Variants in PSMC6 observed in about 807,000 individuals in gnomAD.
PSMC6 encodes 26S proteasome regulatory subunit 10B.
A neutral mutation model predicts 55.9 loss-of-function variants in PSMC6; 3 were observed. The ratio of observed to expected loss-of-function variants is 0.05; its 90% CI spans 0.02 to 0.14. The LOEUF (loss-of-function observed/expected upper bound fraction) is 0.14, where lower values mean the gene tolerates loss of function less well. Among genes scored for constraint, PSMC6 ranks in the 10% least tolerant of loss-of-function variants. The probability of loss-of-function intolerance (pLI) is 1.00; values close to 1 mark genes in which losing one functional copy is unlikely to be tolerated. For missense variants in PSMC6, 210 were observed against 478.7 expected, an observed-to-expected ratio of 0.44 and a Z score of 5.24; for synonymous variants, 137 against 155.9, an observed-to-expected ratio of 0.88 and a Z score of 0.90.
At chr14:52,714,970 A>C (rs903350937) in intron 7 of PSMC6, among the ~76,000 whole-genome samples, 1 of 151,994 alleles carries the variant, frequency 6.6e-6, no homozygotes, top group Non-Finnish European at 1.5e-5. Flanking sequence ...AAAAACTAAA[A>C]TGTTGTTTGG....
At chr14:52,712,801 G>C (rs184998765) in intron 6 of PSMC6, among the ~76,000 whole-genome samples, 1 of 152,122 alleles carries the variant, frequency 6.6e-6, no homozygotes, top group Admixed American at 6.5e-5. Context: ...ATTTTTTGTA[G>C]AGATGGGGTT....
Position 52,708,337 on chromosome 14 carries a change from G to A in PSMC6, c.114G>A (p.Lys38=). The A allele has an allele frequency of 1.9e-6, 3 of 1,612,634 alleles. No individual in the cohort carries two copies. Among genetic ancestry groups the A allele is most frequent in the Non-Finnish European group, 2.5e-6 (3 of 1,178,694 alleles). ...ELREQLKELT[K]QYEKSENDLK... is the part of the protein sequence containing the mutation. ...GGGAACAATTAAAAGAACTTACCAAGCAGTATGAAAAGTCTGAAAATGATC... is the reference window on the plus strand; with the variant it reads ...GGGAACAATTAAAAGAACTTACCAAACAGTATGAAAAGTCTGAAAATGATC... The change falls in exon 2 of 14, where the codon AAG becomes AAA. Residue 38 remains lysine (K), a synonymous_variant. Coordinates refer to ENST00000445930, the MANE Select transcript of PSMC6 (RefSeq NM_002806.5).
In PSMC6 at chr14:52,721,096, T is replaced by C. The variant is rs200595550; in HGVS notation, c.899-14T>C. 11 of 1,582,596 alleles carry C rather than the reference T, an allele frequency of 7.0e-6. No individual in the cohort carries two copies. The African/African-American group carries it at 1.4e-4, about 20-fold the overall frequency. ...AAGATAAAACTGGACTATAAAATAA[T>C]TTTTTATTTTCAGATATTGATTTGC... On this transcript the variant is annotated splice_polypyrimidine_tract_variant and intron_variant, in intron 11 of 13. Transcript: ENST00000445930.
chr14:52,711,528 G>A lies in PSMC6; in HGVS notation c.441+4G>A. 1 of 1,572,992 alleles carries A rather than the reference G, an allele frequency of 6.4e-7. No homozygotes were observed. The highest frequency in any genetic ancestry group is 8.7e-7 in the Non-Finnish European group (1 of 1,145,494). On this transcript the variant is annotated splice_donor_region_variant and intron_variant, in intron 6 of 13. Transcript: ENST00000445930. ...ACAGATCCGGGAATTAAGAGAGGTT[G>A]GTACTGTGTGCCTTGTTCTCTGAAC...
chr14:52,718,833 C>A, intron 9 of PSMC6, 144 bp from the exon 10 acceptor site: 1 of 654,166 alleles, frequency 1.5e-6, no homozygotes, highest in Non-Finnish European at 2.6e-6. Context: ...ACACCAAAAT[C>A]AAGTCTAACT....
chr14:52,723,013 A>C (rs10144318), intron 12 of PSMC6: 70,894 of 151,996 alleles, frequency 0.47, 16,765 homozygotes, highest in Middle Eastern at 0.56. Context: ...TGATTGTTGA[A>C]TTTCACTATC....
intron 7 of PSMC6, among the ~76,000 whole-genome samples, chr14:52,714,708 A>G (rs946629206): frequency 1.7e-4 from 26 of 151,894 alleles, no homozygotes; most frequent in African/African-American, 6.3e-4. Context: ...TCTACTAAAA[A>G]TACAAAAATG....
chr14:52,707,631 G>T, intron 1 of PSMC6: 1 of 266,054 alleles, frequency 3.8e-6, no homozygotes, highest in Non-Finnish European at 7.4e-6. Context: ...CCCGGGACTT[G>T]GAGAGGGGAA....
At chr14:52,713,814 T>C in intron 6 of PSMC6, 67 bp from the exon 7 acceptor site, 1 of 1,017,308 alleles carries the variant, frequency 9.8e-7, no homozygotes, top group Non-Finnish European at 1.5e-6. Context: ...ATATTTGACT[T>C]AGAGTATTTG....
chr14:52,723,198 A>G (rs1880268689), intron 12 of PSMC6: 1 of 152,248 alleles, frequency 6.6e-6, no homozygotes, highest in Admixed American at 6.5e-5. Flanking sequence ...ATTAAAGACA[A>G]TTCATGAATA....
intron 7 of PSMC6, among the ~76,000 whole-genome samples, chr14:52,715,803 G>A (rs2041824316): frequency 1.3e-5 from 2 of 151,852 alleles, no homozygotes. Context: ...TTTTAGTAGA[G>A]GCAGGGTTTT....
chr14:52,720,749 G>C, intron 10 of PSMC6, 112 bp from the exon 11 acceptor site: 1 of 823,466 alleles, frequency 1.2e-6, no homozygotes, highest in Non-Finnish European at 1.8e-6. Context: ...TCTGAAGATA[G>C]AACATATCTA....
intron 7 of PSMC6, among the ~76,000 whole-genome samples, chr14:52,715,713 C>A (rs1227374889): frequency 1.3e-5 from 2 of 150,080 alleles, no homozygotes; most frequent in African/African-American, 2.5e-5. Flanking sequence ...GCCTCTTGGG[C>A]TCAGGTGATT....
In PSMC6 at chr14:52,728,121, A is replaced by C. The variant is rs1419519501; in HGVS notation, c.*504A>C. The stretch of plus-strand genomic sequence containing the variant: ...TATTTTAAAATAGTACACATACTTA[A>C]TGTTCATAAGATCATCTTCTTAAAT... On this transcript the variant is annotated 3_prime_UTR_variant, in exon 14 of 14. Transcript: ENST00000445930. 1.3e-5 allele frequency: 2 copies of C among 153,344 alleles called. No homozygotes were observed. Among genetic ancestry groups the C allele is most frequent in the African/African-American group, 4.8e-5 (2 of 41,444 alleles). The allele number at this position is 153,344 out of a possible 1,614,324, so 9.5% of individuals were successfully genotyped here.
At chr14:52,707,787 GTAT>G (rs1473401680) in intron 1 of PSMC6, among the ~76,000 whole-genome samples, 1 of 152,188 alleles carries the variant, frequency 6.6e-6, no homozygotes, top group African/African-American at 2.4e-5. Flanking sequence ...GTGTTGTACT[GTAT>G]CAGGCATACA....
chr14:52,712,079 T>C (rs1055145943), intron 6 of PSMC6, among the ~76,000 whole-genome samples: 4 of 152,222 alleles, frequency 2.6e-5, no homozygotes, highest in Non-Finnish European at 2.9e-5. Context: ...TTAACTGTTA[T>C]CTGTAAAGCA....
chr14:52,711,018 TTGGCTTCTAAATATTAA>T, intron 4 of PSMC6, 66 bp from the exon 5 acceptor site: 4 of 286,450 alleles, frequency 1.4e-5, no homozygotes, highest in African/African-American at 4.3e-5. Context: ...AAATGAGTGT[TTGGCTTCTAAATATTAA>T]ACTCTCGTTA....
rs188746268 is a variant in PSMC6, at chr14:52,727,840, G to A, written c.*223G>A. ...CAGCAAGTTACAAAGGGAAAGTGTTGAAGCTTTTCATATTTGCTGCGTGAG... is the reference window on the plus strand; with the variant it reads ...CAGCAAGTTACAAAGGGAAAGTGTTAAAGCTTTTCATATTTGCTGCGTGAG... On this transcript the variant is annotated 3_prime_UTR_variant, in exon 14 of 14. Coordinates refer to ENST00000445930, the MANE Select transcript of PSMC6 (RefSeq NM_002806.5). 62 of 374,174 alleles carry A rather than the reference G, an allele frequency of 1.7e-4. No homozygotes were observed. Among genetic ancestry groups the A allele is most frequent in the Non-Finnish European group, 2.8e-4 (58 of 206,722 alleles). 23.2% of individuals were successfully genotyped at this position (374,174 alleles called of 1,614,324 possible). A position where few individuals can be genotyped will look rare whatever the true frequency, so the allele number is the denominator to read the frequency against.
chr14:52,710,963 G>T, intron 4 of PSMC6, 138 bp from the exon 5 acceptor site: 1 of 676,614 alleles, frequency 1.5e-6, no homozygotes, highest in Non-Finnish European at 2.5e-6. Flanking sequence ...CATTTTGTTA[G>T]CATAGAGTTT....
Sources: allele counts gnomAD v4.1 joint callset (sites outside exome capture counted in the v4.1 genomes callset), GRCh38; gene constraint gnomAD v4.1.1; transcripts MANE v1.5; gene names NCBI Gene and HGNC (gene_info 2026-07-23, HGNC 2026-07-21).